Variants in UGGT2 observed in about 807,000 individuals in gnomAD.
The protein encoded by UGGT2 is UDP-glucose glycoprotein glucosyltransferase 2.
UGGT2 carries 180 observed loss-of-function variants against 192.1 expected under a neutral mutation model. The observed-to-expected ratio is 0.94, with a 90% CI of 0.83 to 1.06. UGGT2 has a LOEUF of 1.06. Among genes scored for constraint, UGGT2 ranks in the 50% least tolerant of loss-of-function variants. The probability of loss-of-function intolerance (pLI) is 0.00; values close to 1 mark genes in which losing one functional copy is unlikely to be tolerated. For synonymous variants in UGGT2, 580 were observed against 591.0 expected, an observed-to-expected ratio of 0.98 and a Z score of 0.27; for missense variants, 1,849 against 1,795.7, an observed-to-expected ratio of 1.03 and a Z score of -0.54.
chr13:95,884,573 A>C lies in UGGT2; in HGVS notation c.3146T>G (p.Ile1049Ser). Residue 1049 changes from isoleucine (I) to serine (S), a missense_variant, in exon 27 of 39, where the codon ATC becomes AGC. Transcript: ENST00000376747. ...FLDIPESPLL[I>S]LNMITPEGWL... Reference sequence around the variant, plus strand: ...GCCTTCTGGAGTAATCATGTTGAGGATTAGGAGGGGTGATTCAGGAATATC... The same window carrying C: ...GCCTTCTGGAGTAATCATGTTGAGGCTTAGGAGGGGTGATTCAGGAATATC... 1.9e-6 allele frequency: 3 copies of C among 1,613,996 alleles called. No individual in the cohort carries two copies. The highest frequency in any genetic ancestry group is 1.7e-6 in the Non-Finnish European group (2 of 1,179,930).
At chr13:95,822,589 C>T (rs1036392856) in intron 38 of UGGT2, among the ~76,000 whole-genome samples, 7 of 151,630 alleles carry the variant, frequency 4.6e-5, no homozygotes, top group Middle Eastern at 3.4e-3. Context: ...GCTAATAGTT[C>T]GTACATGTAA....
At chr13:95,946,496 G>A (rs1455914370) in intron 15 of UGGT2, among the ~76,000 whole-genome samples, 21 of 152,112 alleles carry the variant, frequency 1.4e-4, no homozygotes, top group Admixed American at 1.3e-3. Flanking sequence ...AGTCTCCTGA[G>A]TAACTATGAC....
chr13:95,954,465 G>C (rs2050156177), intron 12 of UGGT2, among the ~76,000 whole-genome samples: 1 of 152,172 alleles, frequency 6.6e-6, no homozygotes, highest in South Asian at 2.1e-4. Flanking sequence ...TGATAGAACA[G>C]ATGCTTTAAG....
rs2140034909 is a variant in UGGT2 at position 95,853,563 on chromosome 13, T to C, written c.4264A>G (p.Ser1422Gly). 6.2e-7 allele frequency: 1 copy of C among 1,612,968 alleles called. No homozygotes were observed. Among genetic ancestry groups the C allele is most frequent in the African/African-American group, 1.3e-5 (1 of 74,942 alleles). Residue 1422 changes from serine (S) to glycine (G), a missense_variant, in exon 36 of 39, where the codon AGT (serine) becomes GGT (glycine). By Grantham distance (56) the Ser-to-Gly change is moderately conservative (BLOSUM62 0). Transcript: ENST00000376747. ...QYQALSQDPN[S>G]LSNLDQDLPN... ...CTTACCTGATCTAGGTTTGAAAGAC[T>C]GTTTGGATCTTGACTGAGAGCTTGA...
chr13:95,907,217 C>A (rs1347069781), intron 20 of UGGT2, among the ~76,000 whole-genome samples: 3 of 152,204 alleles, frequency 2.0e-5, no homozygotes, highest in African/African-American at 7.2e-5. Context: ...GGGGCGTCCA[C>A]CATTGCTGAG....
At chr13:95,876,066 G>T (rs901102292) in intron 29 of UGGT2, among the ~76,000 whole-genome samples, 12 of 129,068 alleles carry the variant, frequency 9.3e-5, no homozygotes, top group South Asian at 5.1e-4. Context: ...TAAAATAATT[G>T]TTAAAAAAAT....
intron 33 of UGGT2, chr13:95,856,648 A>G: frequency 4.7e-6 from 2 of 428,110 alleles, no homozygotes; most frequent in Non-Finnish European, 4.4e-6. Context: ...ATCTGACTTG[A>G]GAAAACTGAC....
At chr13:95,808,725 G>A (rs1251328333) in intron 38 of UGGT2, among the ~76,000 whole-genome samples, 1 of 152,026 alleles carries the variant, frequency 6.6e-6, no homozygotes, top group African/African-American at 2.4e-5. Context: ...TGTTAAATAC[G>A]TCCTACCAAT....
At chr13:95,930,626 T>C (rs1289587333) in intron 17 of UGGT2, among the ~76,000 whole-genome samples, 2 of 152,210 alleles carry the variant, frequency 1.3e-5, no homozygotes, top group Admixed American at 6.5e-5. Context: ...GTGTCTATTT[T>C]TGTACCAGTA....
chr13:95,837,195 G>A lies in UGGT2; in HGVS notation c.4292C>T (p.Pro1431Leu). The A allele has an allele frequency of 6.2e-7, 1 of 1,609,694 alleles. No individual in the cohort carries two copies. The highest frequency in any genetic ancestry group is 8.5e-7 in the Non-Finnish European group (1 of 1,176,254). The change falls in exon 37 of 39, where the codon CCC (proline) becomes CTC (leucine). Residue 1431 changes from proline (P) to leucine (L), a missense_variant. By Grantham distance (98) the Pro-to-Leu change is moderately conservative (BLOSUM62 -3). Transcript: ENST00000376747. ...GGCGACTTGGTAAATCATATTATTG[G>A]GGAGATCCTACAGAAAATTGTGATT... ...NSLSNLDQDLPNNMIYQVAIK... is the reference protein window; with the variant it reads ...NSLSNLDQDLLNNMIYQVAIK...
intron 10 of UGGT2, among the ~76,000 whole-genome samples, chr13:95,979,061 T>C (rs540236184): frequency 6.6e-6 from 1 of 152,334 alleles, no homozygotes; most frequent in South Asian, 2.1e-4. Context: ...CTCTGCTGAA[T>C]CATAAAAAGT....
intron 7 of UGGT2, chr13:95,995,811 C>T (rs907090823): frequency 1.8e-5 from 8 of 439,448 alleles, no homozygotes; most frequent in Admixed American, 4.3e-5. Flanking sequence ...ACATACTGTA[C>T]ACCAAAACAT....
At chr13:96,001,962 C>T (rs2139021145) in intron 5 of UGGT2, among the ~76,000 whole-genome samples, 1 of 152,248 alleles carries the variant, frequency 6.6e-6, no homozygotes, top group East Asian at 1.9e-4. Context: ...GTAAGAATTA[C>T]AGAATAATAC....
chr13:95,940,316 C>A (rs894913198), intron 15 of UGGT2, among the ~76,000 whole-genome samples: 1 of 151,640 alleles, frequency 6.6e-6, no homozygotes, highest in Admixed American at 6.6e-5. Flanking sequence ...TTATGTTTTA[C>A]TCTATTTTGA....
chr13:96,004,889 G>A (rs1404238272), intron 5 of UGGT2, among the ~76,000 whole-genome samples: 1 of 151,764 alleles, frequency 6.6e-6, no homozygotes, highest in Non-Finnish European at 1.5e-5. Context: ...GATATCAGAG[G>A]GCCTCAGAAT....
chr13:95,931,009 G>T (rs762620923), intron 17 of UGGT2, among the ~76,000 whole-genome samples: 3 of 152,126 alleles, frequency 2.0e-5, no homozygotes, highest in East Asian at 1.9e-4. Flanking sequence ...GGGTTGCCAC[G>T]GCTGGCTTGG....
chr13:95,875,755 G>A (rs768155668), intron 29 of UGGT2, among the ~76,000 whole-genome samples: 3 of 152,068 alleles, frequency 2.0e-5, no homozygotes, highest in Non-Finnish European at 4.4e-5. Context: ...CTGGCTCTGT[G>A]TGCATAAGCC....
chr13:95,889,382 C>T (rs1291186577), intron 25 of UGGT2, among the ~76,000 whole-genome samples: 2 of 152,122 alleles, frequency 1.3e-5, no homozygotes, highest in Admixed American at 1.3e-4. Context: ...TTTGTCTCCA[C>T]TAATAAAATC....
At chr13:95,852,188 A>G (rs1889118963) in intron 36 of UGGT2, among the ~76,000 whole-genome samples, 1 of 152,204 alleles carries the variant, frequency 6.6e-6, no homozygotes, top group African/African-American at 2.4e-5. Context: ...TAAGCTTTCT[A>G]CATTATCTGG....
Sources: gnomAD v4.1 joint callset for allele counts (sites outside exome capture counted in the v4.1 genomes callset) on GRCh38, gnomAD v4.1.1 for gene constraint, MANE v1.5 for transcripts, NCBI Gene and HGNC (gene_info 2026-07-23, HGNC 2026-07-21) for gene names.